Variants in DNAH8 observed in about 807,000 individuals in gnomAD.
DNAH8 encodes the protein dynein axonemal heavy chain 8.
In DNAH8, 382 loss-of-function variants were observed where a neutral mutation model predicts 562.1. The ratio of observed to expected loss-of-function variants is 0.68; its 90% CI spans 0.63 to 0.74. The LOEUF (loss-of-function observed/expected upper bound fraction) is 0.74. DNAH8 is among the 30% of genes least tolerant of loss of function. The pLI is 0.00. For synonymous variants in DNAH8, 1,881 were observed against 1,919.4 expected (o/e 0.98, Z 0.52); for missense variants, 5,203 against 5,620.4 (o/e 0.93, Z 2.37).
chr6:38,828,156 A>G (rs1773525838), intron 29 of DNAH8, 28 bp from the exon 30 acceptor site: 1 of 1,446,258 alleles, frequency 6.9e-7, no homozygotes, highest in Non-Finnish European at 9.6e-7. Context: ...CCCTTGTGAT[A>G]TTTCTAAACT....
chr6:39,004,363 A>G (rs1048051217), intron 88 of DNAH8, among the ~76,000 whole-genome samples: 6 of 152,324 alleles, frequency 3.9e-5, no homozygotes, highest in African/African-American at 7.2e-5. Flanking sequence ...GTTTTATACT[A>G]TAATGCTTAT....
intron 9 of DNAH8, among the ~76,000 whole-genome samples, chr6:38,754,871 A>G (rs1305208012): frequency 6.6e-6 from 1 of 152,128 alleles, no homozygotes. Context: ...AGGTTTTGTG[A>G]ATCATTGTGG....
At position 38,866,609 on chromosome 6, in the gene DNAH8, C is replaced by T. The variant is rs773222614; in HGVS notation, c.6517C>T (p.Arg2173Cys). Residue 2173 changes from arginine to cysteine, a missense_variant, in exon 46 of 93, where the codon CGC becomes TGC. Arg to Cys is a radical substitution (Grantham distance 180, BLOSUM62 -3). This residue lies in a region of DNAH8 where 2,176 missense variants were observed against 2,365.1 expected (regional missense o/e 0.92). Coordinates refer to ENST00000327475, the MANE Select transcript of DNAH8 (RefSeq NM_001206927.2). The stretch of plus-strand genomic sequence containing the variant: ...CTTTTAGAACCCTGGATATGCTGGG[C>T]GCCAGGAACTACCAGAAAACCTAAA... ...FLTMNPGYAGRQELPENLKIQ... is the reference protein window; with the variant it reads ...FLTMNPGYAGCQELPENLKIQ... 42 of 1,609,598 alleles carry T rather than the reference C, an allele frequency of 2.6e-5. No homozygotes were observed. Among genetic ancestry groups the T allele is most frequent in the Middle Eastern group, 1.6e-4 (1 of 6,066 alleles).
chr6:39,029,832 C>T (rs1402197534), intron 92 of DNAH8, among the ~76,000 whole-genome samples: 5 of 152,152 alleles, frequency 3.3e-5, no homozygotes, highest in South Asian at 2.1e-4. Context: ...CTGGTGCTAC[C>T]GGCTAAGCCT....
At chr6:38,916,985 A>G (rs1385642633) in intron 68 of DNAH8, among the ~76,000 whole-genome samples, 4 of 152,220 alleles carry the variant, frequency 2.6e-5, no homozygotes, top group Non-Finnish European at 5.9e-5. Context: ...ACTTATTAAC[A>G]GAGGTCTATG....
At chr6:38,886,660 A>G in intron 56 of DNAH8, 131 bp from the exon 57 acceptor site, 1 of 739,400 alleles carries the variant, frequency 1.4e-6, no homozygotes, top group East Asian at 2.7e-5. Flanking sequence ...GAAGGTGATC[A>G]TCGACATTCA....
intron 59 of DNAH8, among the ~76,000 whole-genome samples, chr6:38,895,394 C>G (rs1014684003): frequency 5.3e-5 from 8 of 152,150 alleles, no homozygotes; most frequent in Non-Finnish European, 8.8e-5. Context: ...AACAATACAT[C>G]TTTATAAATC....
At chr6:38,993,518 G>A (rs575810757) in intron 88 of DNAH8, among the ~76,000 whole-genome samples, 1 of 152,074 alleles carries the variant, frequency 6.6e-6, no homozygotes, top group East Asian at 1.9e-4. Flanking sequence ...ACTTTAAGTT[G>A]TTCTTAGAGA....
chr6:38,722,797 C>G lies in DNAH8; in HGVS notation c.-13C>G, dbSNP rs558436378. On this transcript the variant is annotated 5_prime_UTR_variant, in exon 2 of 93. Coordinates refer to ENST00000327475, the MANE Select transcript of DNAH8 (RefSeq NM_001206927.2). The stretch of plus-strand genomic sequence containing the variant: ...CTAGGTTTCGAAGTATAAAGCATTC[C>G]GCACGACGGGGGATGGAGAAGGATG... The G allele has an allele frequency of 7.3e-5, 114 of 1,564,630 alleles. No homozygotes were observed. The African/African-American group carries it at 1.4e-3, about 20-fold the overall frequency.
intron 11 of DNAH8, among the ~76,000 whole-genome samples, chr6:38,766,108 A>G (rs971461182): frequency 1.5e-5 from 2 of 132,824 alleles, no homozygotes; most frequent in African/African-American, 5.4e-5. Context: ...TGGGGTATAT[A>G]GGGTATGTAT....
intron 82 of DNAH8, among the ~76,000 whole-genome samples, chr6:38,964,834 G>T (rs13193882): frequency 0.13 from 20,264 of 152,110 alleles, 1,628 homozygotes; most frequent in East Asian, 0.35. Context: ...GGCTGAGGCA[G>T]AAGGATCATT....
At chr6:38,839,731 C>G (rs1048734545) in intron 33 of DNAH8, among the ~76,000 whole-genome samples, 2 of 151,732 alleles carry the variant, frequency 1.3e-5, no homozygotes, top group Non-Finnish European at 2.9e-5. Context: ...GACATGATCT[C>G]GGCTCACAGC....
chr6:39,008,842 C>A lies in DNAH8; in HGVS notation c.13243C>A (p.Leu4415Ile). 1 of 1,608,328 alleles carries A rather than the reference C, an allele frequency of 6.2e-7. No individual in the cohort carries two copies. Among genetic ancestry groups the A allele is most frequent in the Non-Finnish European group, 8.5e-7 (1 of 1,175,122 alleles). ...TCAGAGTAACACTGCTTCTGCTGTT[C>A]TTGAAACAATTACCAACATTCAACC... ...TYQSNTASAV[L>I]ETITNIQPKE... Residue 4415 changes from leucine (L) to isoleucine (I), a missense_variant, in exon 89 of 93, where the codon CTT (leucine) becomes ATT (isoleucine). By Grantham distance (5) the Leu-to-Ile change is conservative. Transcript: ENST00000327475.
intron 82 of DNAH8, among the ~76,000 whole-genome samples, chr6:38,955,201 T>C (rs1268358900): frequency 6.6e-6 from 1 of 152,110 alleles, no homozygotes; most frequent in East Asian, 1.9e-4. Context: ...CTTGAACTCC[T>C]GAGCTCAAGT....
chr6:38,851,298 A>C (rs1447012031), intron 38 of DNAH8, among the ~76,000 whole-genome samples: 1 of 152,190 alleles, frequency 6.6e-6, no homozygotes, highest in East Asian at 1.9e-4. Context: ...GCTTTCCAGC[A>C]GTCTCAGAAA....
rs910439829 is a variant in DNAH8 at position 38,937,214 on chromosome 6, G to A, written c.11564-760G>A. 3.4e-4 allele frequency among the ~76,000 whole-genome samples: 43 copies of A among 126,558 alleles called. 1 individual carries two copies. The highest frequency in any genetic ancestry group is 8.7e-4 in the Admixed American group (11 of 12,688). 83.0% of individuals were successfully genotyped at this position (126,558 alleles called of 152,430 possible). A position where few individuals can be genotyped will look rare whatever the true frequency, so the allele number is the denominator to read the frequency against. ...CACTGGGGCCTGTCGGTGGGTAGGGGTCTGGGGGGAGGGATAGCGTTAGGA... is the reference window on the plus strand; with the variant it reads ...CACTGGGGCCTGTCGGTGGGTAGGGATCTGGGGGGAGGGATAGCGTTAGGA... On this transcript the variant is annotated intron_variant, in intron 77 of 92. Coordinates refer to ENST00000327475, the MANE Select transcript of DNAH8 (RefSeq NM_001206927.2).
intron 58 of DNAH8, among the ~76,000 whole-genome samples, chr6:38,891,378 G>A (rs1303041822): frequency 3.3e-5 from 5 of 152,174 alleles, no homozygotes; most frequent in Non-Finnish European, 7.3e-5. Flanking sequence ...TGATATATTT[G>A]ACAAAAAGCC....
At chr6:38,987,981 C>G (rs1032617849) in intron 87 of DNAH8, among the ~76,000 whole-genome samples, 1 of 152,182 alleles carries the variant, frequency 6.6e-6, no homozygotes, top group Admixed American at 6.5e-5. Context: ...TGATCTCATC[C>G]TCAGCCCCAG....
intron 9 of DNAH8, among the ~76,000 whole-genome samples, chr6:38,752,124 A>G (rs1582905227): frequency 6.6e-6 from 1 of 151,390 alleles, no homozygotes; most frequent in Non-Finnish European, 1.5e-5. Context: ...TGCTTCTTCA[A>G]GGTATTCTCT....
Sources: gnomAD v4.1 joint callset for allele counts (sites outside exome capture counted in the v4.1 genomes callset) on GRCh38, gnomAD v4.1.1 for gene constraint, gnomAD v4.1.1 regional missense constraint, MANE v1.5 for transcripts, NCBI Gene and HGNC (gene_info 2026-07-23, HGNC 2026-07-21) for gene names.